ZNF385D: variants seen among roughly 807,000 people sequenced by gnomAD.
The protein encoded by ZNF385D is zinc finger protein 385D.
In ZNF385D, 15 loss-of-function variants were observed where a neutral mutation model predicts 35.8. That is an observed-to-expected ratio of 0.42 (90% CI 0.28 to 0.64). The LOEUF (loss-of-function observed/expected upper bound fraction) is 0.64, where lower values mean the gene tolerates loss of function less well. Among genes scored for constraint, ZNF385D ranks in the 30% least tolerant of loss-of-function variants. The pLI, the probability that ZNF385D is intolerant of heterozygous loss-of-function variation, is 0.23. For missense variants in ZNF385D, 474 were observed against 494.6 expected, an observed-to-expected ratio of 0.96 and a Z score of 0.39; for synonymous variants, 212 against 186.8, an observed-to-expected ratio of 1.13 and a Z score of -1.10.
intron 1 of ZNF385D, among the ~76,000 whole-genome samples, chr3:21,709,485 GAAAACAAAAC>G (rs71044936): frequency 1.5e-4 from 23 of 150,082 alleles, no homozygotes; most frequent in African/African-American, 4.2e-4. Context: ...AGGCTTCTAT[GAAAACAAAAC>G]AAAACAAAAC....
chr3:21,970,918 A>G (rs1015426292), intron 3 of ZNF385D, among the ~76,000 whole-genome samples: 4 of 152,050 alleles, frequency 2.6e-5, no homozygotes, highest in African/African-American at 9.7e-5. Context: ...GGGCATATTT[A>G]AAGTGCAAAA....
chr3:21,692,780 A>G (rs1559524011), intron 1 of ZNF385D, among the ~76,000 whole-genome samples: 1 of 152,160 alleles, frequency 6.6e-6, no homozygotes, highest in South Asian at 2.1e-4. Flanking sequence ...CTTAGGTCAG[A>G]AGTTGCCTTT....
At chr3:21,952,713 T>A (rs1407994781) in intron 3 of ZNF385D, among the ~76,000 whole-genome samples, 1 of 151,998 alleles carries the variant, frequency 6.6e-6, no homozygotes, top group Non-Finnish European at 1.5e-5. Context: ...TAATTATGGA[T>A]TAATTTTTGG....
chr3:22,304,795 T>A (rs1703113936), intron 2 of ZNF385D, among the ~76,000 whole-genome samples: 1 of 152,176 alleles, frequency 6.6e-6, no homozygotes, highest in Non-Finnish European at 1.5e-5. Context: ...TATTTTTCAT[T>A]TTGTAATTCT....
chr3:21,620,718 C>A (rs116190167), intron 2 of ZNF385D, among the ~76,000 whole-genome samples: 2 of 152,026 alleles, frequency 1.3e-5, no homozygotes, highest in Admixed American at 6.6e-5. Context: ...AGTCACACAC[C>A]GAACAGGAAC....
chr3:21,720,483 GTTCAGGGC>G (rs2068495933), intron 1 of ZNF385D, among the ~76,000 whole-genome samples: 2 of 152,170 alleles, frequency 1.3e-5, no homozygotes, highest in Admixed American at 6.5e-5. Flanking sequence ...GAGCTCAGGA[GTTCAGGGC>G]TTCAGTGAGC....
intron 3 of ZNF385D, among the ~76,000 whole-genome samples, chr3:21,788,337 G>A (rs1022935098): frequency 2.0e-5 from 3 of 152,176 alleles, no homozygotes; most frequent in African/African-American, 7.2e-5. Context: ...AATTAGCCGG[G>A]CTTGGTGGCA....
At chr3:21,896,648 C>G (rs17641630) in intron 3 of ZNF385D, among the ~76,000 whole-genome samples, 33,853 of 151,844 alleles carry the variant, frequency 0.22, 3,826 homozygotes, top group Middle Eastern at 0.3. Flanking sequence ...GATTTTAGAG[C>G]CAGAAATTAC....
intron 3 of ZNF385D, among the ~76,000 whole-genome samples, chr3:21,935,191 A>G (rs1701200659): frequency 6.6e-6 from 1 of 152,192 alleles, no homozygotes; most frequent in African/African-American, 2.4e-5. Flanking sequence ...TCTGATTATC[A>G]AAAGTATATG....
chr3:22,277,463 A>C (rs534218526), intron 2 of ZNF385D, among the ~76,000 whole-genome samples: 1 of 152,248 alleles, frequency 6.6e-6, no homozygotes, highest in South Asian at 2.1e-4. Context: ...AAAATCTTCA[A>C]ATTCAAGAAA....
At chr3:21,810,992 G>GTATA (rs779407118) in intron 3 of ZNF385D, among the ~76,000 whole-genome samples, 111 of 114,474 alleles carry the variant, frequency 9.7e-4, no homozygotes, top group African/African-American at 1.9e-3. Context: ...GTGTGTGTGT[G>GTATA]TGTGTGTATA....
At chr3:21,674,882 G>A (rs1000004343) in intron 1 of ZNF385D, among the ~76,000 whole-genome samples, 1 of 151,344 alleles carries the variant, frequency 6.6e-6, no homozygotes, top group Non-Finnish European at 1.5e-5. Context: ...AGTGACTTGT[G>A]TATTGTTTTA....
intron 2 of ZNF385D, among the ~76,000 whole-genome samples, chr3:22,203,460 C>A (rs1326481739): frequency 6.6e-6 from 1 of 152,108 alleles, no homozygotes; most frequent in Non-Finnish European, 1.5e-5. Context: ...ATCCCTTCTT[C>A]TTGAGAAAAG....
intron 3 of ZNF385D, among the ~76,000 whole-genome samples, chr3:21,930,069 C>T (rs957731856): frequency 2.0e-5 from 3 of 151,984 alleles, no homozygotes; most frequent in African/African-American, 7.2e-5. Context: ...ATAATCAAGA[C>T]AAGTGGTACT....
intron 3 of ZNF385D, among the ~76,000 whole-genome samples, chr3:21,532,099 C>T (rs866855236): frequency 1.7e-4 from 26 of 151,854 alleles, no homozygotes; most frequent in African/African-American, 4.8e-4. Flanking sequence ...GAGCAAGCAC[C>T]AGTCATGGGA....
intron 3 of ZNF385D, among the ~76,000 whole-genome samples, chr3:22,049,965 T>C (rs1463344628): frequency 1.3e-5 from 2 of 152,178 alleles, no homozygotes; most frequent in African/African-American, 4.8e-5. Context: ...TTTCTTTCCT[T>C]GTAAAATGCT....
At chr3:21,800,185 A>G (rs1245507644) in intron 3 of ZNF385D, among the ~76,000 whole-genome samples, 3 of 152,180 alleles carry the variant, frequency 2.0e-5, no homozygotes, top group African/African-American at 7.2e-5. Flanking sequence ...TGAAATATTC[A>G]ACTTTATTTT....
chr3:21,469,554 A>C (rs536619295), intron 4 of ZNF385D, among the ~76,000 whole-genome samples: 1 of 152,336 alleles, frequency 6.6e-6, no homozygotes, highest in Admixed American at 6.5e-5. Context: ...TATACATTGA[A>C]CATATATCAG....
intron 3 of ZNF385D, among the ~76,000 whole-genome samples, chr3:21,557,108 T>C (rs76260912): frequency 1.8e-4 from 28 of 152,342 alleles, no homozygotes; most frequent in African/African-American, 6.5e-4. Flanking sequence ...TCATGTCATC[T>C]GCAAACAGAC....
Sources: allele counts gnomAD v4.1 joint callset (sites outside exome capture counted in the v4.1 genomes callset), GRCh38; gene constraint gnomAD v4.1.1; transcripts MANE v1.5; gene names NCBI Gene and HGNC (gene_info 2026-07-23, HGNC 2026-07-21).